Variants in ZFP1 observed in about 807,000 individuals in gnomAD.
ZFP1 encodes the protein zinc finger protein 1 homolog.
ZFP1 carries 32 observed loss-of-function variants against 38.5 expected under a neutral mutation model. That is an observed-to-expected ratio of 0.83 (90% CI 0.63 to 1.12). The LOEUF is 1.12. Ranked by LOEUF, ZFP1 falls within the 50% of genes most tolerant of loss-of-function variation. ZFP1 has a pLI of 0.00. For synonymous variants in ZFP1, 245 were observed against 168.8 expected (o/e 1.45, Z -3.50); for missense variants, 616 against 480.8 (o/e 1.28, Z -2.63).
chr16:75,158,553 A>G (rs902743778), intron 2 of ZFP1, among the ~76,000 whole-genome samples: 1 of 150,922 alleles, frequency 6.6e-6, no homozygotes, highest in Non-Finnish European at 1.5e-5. Context: ...CTTGCCTCCC[A>G]AAGGGCTGGG....
the ZFP1 span, among the ~76,000 whole-genome samples, chr16:75,129,178 T>C: frequency 2.0e-5 from 3 of 152,202 alleles, no homozygotes; most frequent in Non-Finnish European, 4.4e-5. Flanking sequence ...TGTTTGTTGT[T>C]GTTCTCCTTT....
At chr16:75,140,570 A>G in the ZFP1 span, among the ~76,000 whole-genome samples, 1 of 152,224 alleles carries the variant, frequency 6.6e-6, no homozygotes, top group African/African-American at 2.4e-5. Flanking sequence ...CTTGTGTCTT[A>G]GTCACAGCTG....
At chr16:75,138,968 G>T in the ZFP1 span, among the ~76,000 whole-genome samples, 2 of 152,012 alleles carry the variant, frequency 1.3e-5, no homozygotes, top group African/African-American at 2.4e-5. Context: ...TTACCTCTAG[G>T]ATCTTCCTCC....
At chr16:75,147,654 C>T (rs2145481998), upstream of ZFP1, among the ~76,000 whole-genome samples, 1 of 152,102 alleles carries the variant, frequency 6.6e-6, no homozygotes, top group African/African-American at 2.4e-5. Context: ...GGGATATCAA[C>T]TTTGGGGAGG....
chr16:75,143,528 G>A (rs2036908265), upstream of ZFP1, among the ~76,000 whole-genome samples: 1 of 152,070 alleles, frequency 6.6e-6, no homozygotes, highest in Non-Finnish European at 1.5e-5. Flanking sequence ...TTACAGGCGT[G>A]AGCCACTGTG....
At chr16:75,131,073 G>A in the ZFP1 span, among the ~76,000 whole-genome samples, 1 of 152,078 alleles carries the variant, frequency 6.6e-6, no homozygotes, top group African/African-American at 2.4e-5. Flanking sequence ...TTCTGTCCCT[G>A]TGGGCCTCAA....
the ZFP1 span, among the ~76,000 whole-genome samples, chr16:75,137,699 C>G: frequency 6.6e-6 from 1 of 151,840 alleles, no homozygotes; most frequent in Non-Finnish European, 1.5e-5. Flanking sequence ...ATCTCCTGAC[C>G]TCGTGATCCG....
At chr16:75,125,031 G>A in the ZFP1 span, among the ~76,000 whole-genome samples, 1 of 152,008 alleles carries the variant, frequency 6.6e-6, no homozygotes, top group Non-Finnish European at 1.5e-5. Context: ...GGAGGCCGAG[G>A]TGGGTGGATC....
intron 2 of ZFP1, among the ~76,000 whole-genome samples, chr16:75,156,259 G>A (rs1307143322): frequency 6.6e-6 from 1 of 152,122 alleles, no homozygotes; most frequent in Non-Finnish European, 1.5e-5. Context: ...ATCGAGACCA[G>A]CCTGGCCAAC....
chr16:75,119,950 T>TA, the ZFP1 span, among the ~76,000 whole-genome samples: 1 of 152,164 alleles, frequency 6.6e-6, no homozygotes, highest in Non-Finnish European at 1.5e-5. Flanking sequence ...CTAAGTGGCT[T>TA]TAGTTACACA....
Position 75,166,916 on chromosome 16 carries a change from A to G in ZFP1, c.142+20A>G, listed in dbSNP as rs1388537766. 3.1e-6 allele frequency: 5 copies of G among 1,610,624 alleles called. No homozygotes were observed. The highest frequency in any genetic ancestry group is 4.2e-6 in the Non-Finnish European group (5 of 1,177,782). On this transcript the variant is annotated intron_variant, in intron 3 of 3. Coordinates refer to ENST00000570010, the MANE Select transcript of ZFP1 (RefSeq NM_153688.4). The stretch of plus-strand genomic sequence containing the variant: ...CAGTGGGTAAGGACGGTTTTCAGGT[A>G]CAGCTCACCATGTGCCTAGAGGTAT...
At chr16:75,128,082 T>C in the ZFP1 span, 2 of 152,234 alleles carry the variant, frequency 1.3e-5, no homozygotes, top group Non-Finnish European at 2.9e-5. Context: ...CGGTGTGCTT[T>C]CCTTTAAGGA....
Position 75,166,854 on chromosome 16 carries a change from A to G in ZFP1, c.100A>G (p.Met34Val), listed in dbSNP as rs1384743100. 6.2e-7 allele frequency: 1 copy of G among 1,614,130 alleles called. No individual in the cohort carries two copies. The change falls in exon 3 of 4, where the codon ATG becomes GTG. Residue 34 changes from methionine to valine, a missense_variant. Coordinates refer to ENST00000570010, the MANE Select transcript of ZFP1 (RefSeq NM_153688.4). ...GGACCCCTCTCAGAGGATCCTATACATGGATGTGATGCTGGAGAATTATAG... is the reference window on the plus strand; with the variant it reads ...GGACCCCTCTCAGAGGATCCTATACGTGGATGTGATGCTGGAGAATTATAG... Reference protein sequence around the residue: ...QLDPSQRILYMDVMLENYSNL... With the variant: ...QLDPSQRILYVDVMLENYSNL...
At chr16:75,142,171 C>G in the ZFP1 span, among the ~76,000 whole-genome samples, 1 of 146,016 alleles carries the variant, frequency 6.8e-6, no homozygotes, top group African/African-American at 2.5e-5. Context: ...TCCTGGCCAA[C>G]ATGGTGAAAC....
chr16:75,121,136 T>A, the ZFP1 span, among the ~76,000 whole-genome samples: 1 of 151,792 alleles, frequency 6.6e-6, no homozygotes, highest in Non-Finnish European at 1.5e-5. Flanking sequence ...AAAACTAGTC[T>A]CCTTATACAA....
chr16:75,153,041 T>C, intron 2 of ZFP1, 75 bp downstream of exon 2: 2 of 1,570,270 alleles, frequency 1.3e-6, no homozygotes, highest in Non-Finnish European at 1.7e-6. Context: ...GAAAATGAAA[T>C]AGAAAAGTAT....
chr16:75,140,550 G>C, the ZFP1 span, among the ~76,000 whole-genome samples: 2 of 152,340 alleles, frequency 1.3e-5, no homozygotes, highest in South Asian at 4.1e-4. Context: ...AGCTCCACCA[G>C]GACAGAGAGC....
At chr16:75,159,445 C>T (rs1300670252) in intron 2 of ZFP1, among the ~76,000 whole-genome samples, 2 of 145,344 alleles carry the variant, frequency 1.4e-5, no homozygotes, top group South Asian at 4.5e-4. Context: ...GTCTTGGTTA[C>T]CCCCAGACTG....
chr16:75,125,027 C>A, the ZFP1 span, among the ~76,000 whole-genome samples: 9 of 151,652 alleles, frequency 5.9e-5, no homozygotes, highest in Non-Finnish European at 8.8e-5. Flanking sequence ...TTTGGGAGGC[C>A]GAGGTGGGTG....
Sources: allele counts gnomAD v4.1 joint callset (sites outside exome capture counted in the v4.1 genomes callset), GRCh38; gene constraint gnomAD v4.1.1; transcripts MANE v1.5; gene names NCBI Gene and HGNC (gene_info 2026-07-23, HGNC 2026-07-21).